The following IRS2 variants were observed in gnomAD, a reference collection of about 807,000 sequenced individuals.
IRS2 encodes the protein insulin receptor substrate 2.
In IRS2, 28 loss-of-function variants were observed where a neutral mutation model predicts 70.9. The ratio of observed to expected loss-of-function variants is 0.39; its 90% CI spans 0.29 to 0.54. The LOEUF is 0.54. IRS2 is among the 20% of genes least tolerant of loss of function. The pLI is 0.59. For synonymous variants in IRS2, 1,217 were observed against 981.9 expected, an observed-to-expected ratio of 1.24 and a Z score of -4.48; for missense variants, 2,081 against 2,024.1, an observed-to-expected ratio of 1.03 and a Z score of -0.54.
Position 109,784,830 on chromosome 13 carries a change from G to A in IRS2, c.1224C>T (p.Gly408=), listed in dbSNP as rs1487911776. The A allele has an allele frequency of 1.6e-6, 2 of 1,255,188 alleles. No homozygotes were observed. Among genetic ancestry groups the A allele is most frequent in the Non-Finnish European group, 1.0e-6 (1 of 990,930 alleles). 77.8% of individuals were successfully genotyped at this position (1,255,188 alleles called of 1,614,324 possible). A position where few individuals can be genotyped will look rare whatever the true frequency, so the allele number is the denominator to read the frequency against. Residue 408 remains glycine (G), a synonymous_variant, in exon 1 of 2, where the codon GGC becomes GGT. Transcript: ENST00000375856. The surrounding 1 kb of genome is among the most constrained non-coding windows in gnomAD (Gnocchi z 5.2). ...CCACCTTGCTCCCGCGGCCGCCGCA[G>A]CCGCCGCTCAGGGTGTGCGAGCGGC... The part of the protein sequence containing the change: ...PLSRSHTLSG[G]CGGRGSKVAL...
At chr13:109,770,033 T>C (rs778345971) in intron 1 of IRS2, among the ~76,000 whole-genome samples, 3 of 152,224 alleles carry the variant, frequency 2.0e-5, no homozygotes, top group African/African-American at 7.2e-5. Context: ...GAGACTCATC[T>C]GTGACTAACT....
chr13:109,786,201 A>G lies in IRS2; in HGVS notation c.-148T>C. 1 of 288,666 alleles carries G rather than the reference A, an allele frequency of 3.5e-6. No individual in the cohort carries two copies. Among genetic ancestry groups the G allele is most frequent in the Non-Finnish European group, 5.1e-6 (1 of 195,920 alleles). The allele number at this position is 288,666 out of a possible 1,614,324, so 17.9% of individuals were successfully genotyped here. ...GTCCCTCGGGCCCAGGCGGTGGGGA[A>G]GGTCCGGGGAGGCCCGCGGGGGCCA... On this transcript the variant is annotated 5_prime_UTR_variant, in exon 1 of 2. Coordinates refer to ENST00000375856, the MANE Select transcript of IRS2 (RefSeq NM_003749.3). This position sits in a 1 kb window ranked among gnomAD's most constrained non-coding sequence, Gnocchi z 4.4.
chr13:109,773,550 G>T (rs1480974690), intron 1 of IRS2, among the ~76,000 whole-genome samples: 1 of 152,142 alleles, frequency 6.6e-6, no homozygotes, highest in East Asian at 1.9e-4. Flanking sequence ...TAGGCCTTTC[G>T]ATTTCACTGG....
At chr13:109,757,901 T>G (rs1446356434) in intron 1 of IRS2, among the ~76,000 whole-genome samples, 1 of 151,002 alleles carries the variant, frequency 6.6e-6, no homozygotes, top group Admixed American at 6.5e-5. Context: ...AGGCTAGTCT[T>G]GAACTCCTGA....
intron 1 of IRS2, among the ~76,000 whole-genome samples, chr13:109,758,892 GGGAAGA>G (rs1191312743): frequency 8.5e-4 from 128 of 150,816 alleles, no homozygotes; most frequent in African/African-American, 2.8e-3. Flanking sequence ...GAAGAGGAAG[GGGAAGA>G]GGAAGGGGAA....
In IRS2 at chr13:109,783,823, C is replaced by G. The variant is rs1427557055; in HGVS notation, c.2231G>C (p.Arg744Pro). The G allele has an allele frequency of 3.1e-6, 5 of 1,589,696 alleles. No individual in the cohort carries two copies. The Admixed American group carries it at 8.7e-5, about 28-fold the overall frequency. The change falls in exon 1 of 2, where the codon CGC becomes CCC. Residue 744 changes from arginine (R) to proline (P), a missense_variant. Arg to Pro is a moderately radical substitution (Grantham distance 103). Coordinates refer to ENST00000375856, the MANE Select transcript of IRS2 (RefSeq NM_003749.3). The stretch of plus-strand genomic sequence containing the variant: ...GGACAGCTTGGAACCGCACCACATG[C>G]GCATGTACCCACTGTCCTCGGGGGA... ...ESSPEDSGYM[R>P]MWCGSKLSME...
rs1877850692 is a variant in IRS2, at chr13:109,784,521, G to C, written c.1533C>G (p.Arg511=). The change falls in exon 1 of 2, where the codon CGC becomes CGG. Residue 511 remains arginine, a synonymous_variant. Transcript: ENST00000375856. This position sits in a 1 kb window ranked among gnomAD's most constrained non-coding sequence, Gnocchi z 5.2. ...TGTTGCTTCGGTGGCTGCAGAAGGC[G>C]CGCAGGTCGCCTGGGCTGGAGCCGT... is the stretch of plus-strand genomic sequence containing the variant. ...DEYGSSPGDL[R]AFCSHRSNTP... is the part of the protein sequence containing the mutation. 1.3e-5 allele frequency: 20 copies of C among 1,532,432 alleles called. 1 individual carries two copies. The highest frequency in any genetic ancestry group is 1.9e-5 in the Admixed American group (1 of 52,302). 94.9% of individuals were successfully genotyped at this position (1,532,432 alleles called of 1,614,324 possible).
chr13:109,769,713 G>A (rs1451847375), intron 1 of IRS2, among the ~76,000 whole-genome samples: 4 of 152,066 alleles, frequency 2.6e-5, no homozygotes, highest in South Asian at 2.1e-4. Context: ...CTGAAGACTC[G>A]CCCACTTTCT....
chr13:109,781,756 C>A (rs924229715), intron 1 of IRS2, among the ~76,000 whole-genome samples: 3 of 152,144 alleles, frequency 2.0e-5, no homozygotes, highest in African/African-American at 7.2e-5. Flanking sequence ...TGTTAAGGGA[C>A]AGGGGGCTGT....
Position 109,784,346 on chromosome 13 carries a change from C to A in IRS2, c.1708G>T (p.Gly570Trp). ...AGGGAGTAGGTCCTCTTGCGCAGCC[C>A]TCGGTCCAGGTCCTGGGCCGCGTCC... The part of the protein sequence containing the change: ...SGDAAQDLDR[G>W]LRKRTYSLTT... The change falls in exon 1 of 2, where the codon GGG (glycine) becomes TGG (tryptophan). Residue 570 changes from glycine to tryptophan, a missense_variant. This residue lies in a region of IRS2 where 1,615 missense variants were observed against 1,459.5 expected (regional missense o/e 1.11). Coordinates refer to ENST00000375856, the MANE Select transcript of IRS2 (RefSeq NM_003749.3). The surrounding 1 kb of genome is among the most constrained non-coding windows in gnomAD (Gnocchi z 5.2). The A allele has an allele frequency of 6.2e-7, 1 of 1,609,068 alleles. No homozygotes were observed.
chr13:109,761,592 A>G (rs1463363126), intron 1 of IRS2, among the ~76,000 whole-genome samples: 1 of 151,928 alleles, frequency 6.6e-6, no homozygotes, highest in African/African-American at 2.4e-5. Context: ...AGAACATGAA[A>G]AAAAAAAAAA....
Position 109,755,928 on chromosome 13 carries a change from C to A in IRS2, c.*376G>T. 1 of 346,430 alleles carries A rather than the reference C, an allele frequency of 2.9e-6. No homozygotes were observed. The allele number at this position is 346,430 out of a possible 1,614,324, so 21.5% of individuals were successfully genotyped here. A position where few individuals can be genotyped will look rare whatever the true frequency, so the allele number is the denominator to read the frequency against. ...CATAGGTACGGGTGCACTCTCCTAG[C>A]ATGCTGAGGGTTATATCTGCTTTGC... On this transcript the variant is annotated 3_prime_UTR_variant, in exon 2 of 2. Transcript: ENST00000375856.
intron 1 of IRS2, among the ~76,000 whole-genome samples, chr13:109,759,852 C>A (rs1162635973): frequency 1.3e-5 from 2 of 152,074 alleles, no homozygotes; most frequent in Non-Finnish European, 2.9e-5. Flanking sequence ...TACCTACCAC[C>A]CACCTGACAG....
chr13:109,761,240 C>T (rs1237716804), intron 1 of IRS2, among the ~76,000 whole-genome samples: 1 of 152,188 alleles, frequency 6.6e-6, no homozygotes, highest in Non-Finnish European at 1.5e-5. Flanking sequence ...CAACACTGGA[C>T]CACCCAGAGG....
At chr13:109,761,642 GA>G (rs1313436365) in intron 1 of IRS2, among the ~76,000 whole-genome samples, 1 of 150,728 alleles carries the variant, frequency 6.6e-6, no homozygotes, top group African/African-American at 2.4e-5. Flanking sequence ...GAGATTCTAG[GA>G]AAAACGGTTA....
At chr13:109,761,325 T>G (rs986669395) in intron 1 of IRS2, among the ~76,000 whole-genome samples, 15 of 152,232 alleles carry the variant, frequency 9.9e-5, no homozygotes, top group Non-Finnish European at 2.2e-4. Flanking sequence ...CAAATACTGA[T>G]GTACTTGACA....
chr13:109,768,179 G>C (rs1441969720), intron 1 of IRS2, among the ~76,000 whole-genome samples: 1 of 152,204 alleles, frequency 6.6e-6, no homozygotes, highest in Non-Finnish European at 1.5e-5. Flanking sequence ...TAGCAACACA[G>C]TTCAAGCAGA....
intron 1 of IRS2, among the ~76,000 whole-genome samples, chr13:109,776,161 AG>A (rs1877572728): frequency 7.9e-6 from 1 of 126,492 alleles, no homozygotes; most frequent in Non-Finnish European, 1.8e-5. Context: ...AAAAAAAAAA[AG>A]AAAAAAACCC....
At chr13:109,773,359 T>C (rs1320116335) in intron 1 of IRS2, among the ~76,000 whole-genome samples, 1 of 152,224 alleles carries the variant, frequency 6.6e-6, no homozygotes, top group Non-Finnish European at 1.5e-5. Context: ...ATGACTCATT[T>C]CTTAGAAAAA....
Sources: gnomAD v4.1 joint callset for allele counts (sites outside exome capture counted in the v4.1 genomes callset) on GRCh38, gnomAD v4.1.1 for gene constraint, gnomAD v4.1.1 regional missense constraint, Gnocchi (gnomAD v3.1) non-coding constraint, MANE v1.5 for transcripts, NCBI Gene and HGNC (gene_info 2026-07-23, HGNC 2026-07-21) for gene names.